The following ABI3BP variants were observed in gnomAD, a reference collection of about 807,000 sequenced individuals.
ABI3BP encodes the protein target of Nesh-SH3.
In ABI3BP, 216 loss-of-function variants were observed where a neutral mutation model predicts 268.6. The ratio of observed to expected loss-of-function variants is 0.80; its 90% CI spans 0.72 to 0.90. The LOEUF is 0.90. ABI3BP is among the 40% of genes least tolerant of loss of function. The probability of loss-of-function intolerance (pLI) is 0.00; values close to 1 mark genes in which losing one functional copy is unlikely to be tolerated. For synonymous variants in ABI3BP, 730 were observed against 730.0 expected (o/e 1.00, Z 0.00); for missense variants, 2,090 against 2,182.4 (o/e 0.96, Z 0.84).
chr3:100,891,093 G>C (rs1440423600), intron 4 of ABI3BP, among the ~76,000 whole-genome samples: 1 of 151,710 alleles, frequency 6.6e-6, no homozygotes, highest in Non-Finnish European at 1.5e-5. Flanking sequence ...ATTACCTCTG[G>C]AAAAAAGTAA....
intron 28 of ABI3BP, among the ~76,000 whole-genome samples, chr3:100,834,980 T>A (rs1008889988): frequency 1.3e-5 from 2 of 152,138 alleles, no homozygotes; most frequent in Admixed American, 6.6e-5. Flanking sequence ...ATATGTAATT[T>A]AAAAAAATAA....
At chr3:100,953,733 T>C (rs979001742) in intron 1 of ABI3BP, among the ~76,000 whole-genome samples, 1 of 152,144 alleles carries the variant, frequency 6.6e-6, no homozygotes, top group Non-Finnish European at 1.5e-5. Context: ...CAAAGGTTTA[T>C]GGAGAAGGTG....
At chr3:100,821,157 A>T in intron 38 of ABI3BP, 44 bp from the exon 39 acceptor site, 2 of 1,491,166 alleles carry the variant, frequency 1.3e-6, no homozygotes, top group Non-Finnish European at 1.8e-6. Flanking sequence ...ATTTTAAATG[A>T]ATGTAAACTC....
intron 54 of ABI3BP, among the ~76,000 whole-genome samples, chr3:100,794,519 C>T (rs1000418604): frequency 6.6e-6 from 1 of 151,886 alleles, no homozygotes; most frequent in African/African-American, 2.4e-5. Context: ...GTTAGAACTG[C>T]ATCACCTAAC....
chr3:100,757,509 A>G (rs959196270), intron 63 of ABI3BP, among the ~76,000 whole-genome samples: 3 of 152,180 alleles, frequency 2.0e-5, no homozygotes, highest in African/African-American at 7.2e-5. Flanking sequence ...TTATATCCTA[A>G]TATGTCCAGC....
At chr3:100,829,211 T>C (rs1285857733) in intron 33 of ABI3BP, among the ~76,000 whole-genome samples, 1 of 151,652 alleles carries the variant, frequency 6.6e-6, no homozygotes, top group Non-Finnish European at 1.5e-5. Flanking sequence ...ACCTAGAAAA[T>C]TTACTATCTG....
chr3:100,902,210 A>G (rs1363224991), intron 3 of ABI3BP, among the ~76,000 whole-genome samples: 1 of 152,196 alleles, frequency 6.6e-6, no homozygotes, highest in African/African-American at 2.4e-5. Context: ...TTTTGCCCTT[A>G]ACATCTGAAA....
intron 1 of ABI3BP, among the ~76,000 whole-genome samples, chr3:100,987,414 T>C (rs1263791406): frequency 6.6e-6 from 1 of 152,248 alleles, no homozygotes; most frequent in Non-Finnish European, 1.5e-5. Context: ...GTAAAAATTC[T>C]TAACAGTATC....
intron 63 of ABI3BP, among the ~76,000 whole-genome samples, chr3:100,761,485 C>T (rs1476142632): frequency 2.0e-5 from 3 of 152,104 alleles, no homozygotes; most frequent in South Asian, 4.1e-4. Flanking sequence ...TCTCTATTGA[C>T]AAGAATGTCT....
rs2095250791 is a variant in ABI3BP at position 100,750,502 on chromosome 3, T to C, written c.5354A>G (p.Lys1785Arg). 4.3e-6 allele frequency: 7 copies of C among 1,610,950 alleles called. No homozygotes were observed. The highest frequency in any genetic ancestry group is 5.1e-6 in the Non-Finnish European group (6 of 1,178,050). ...GGTAACTTTGTGCAGCATCTACCATTTTCCAGGAATTGTAGTCCCACATTC... is the reference window on the plus strand; with the variant it reads ...GGTAACTTTGTGCAGCATCTACCATCTTCCAGGAATTGTAGTCCCACATTC... ...WYECGTTIPG[K>R]W The change falls in exon 68 of 68, where the codon AAA becomes AGA. Residue 1785 changes from lysine (K) to arginine (R), a missense_variant. By Grantham distance (26) the Lys-to-Arg change is conservative. Transcript: ENST00000471714.
intron 7 of ABI3BP, 139 bp from the exon 8 acceptor site, chr3:100,875,718 T>C: frequency 1.5e-6 from 1 of 645,744 alleles, no homozygotes; most frequent in South Asian, 1.9e-5. Context: ...GGCCTGGCTA[T>C]ATAGCCAACA....
chr3:100,991,855 A>G (rs1208316879), intron 1 of ABI3BP, among the ~76,000 whole-genome samples: 2 of 152,310 alleles, frequency 1.3e-5, no homozygotes, highest in African/African-American at 4.8e-5. Flanking sequence ...CGATAATTAA[A>G]GCACTGGGAT....
intron 50 of ABI3BP, among the ~76,000 whole-genome samples, chr3:100,805,537 T>G (rs892156363): frequency 6.6e-6 from 1 of 152,120 alleles, no homozygotes; most frequent in Non-Finnish European, 1.5e-5. Context: ...AATGCCTTTA[T>G]AAAGTTTACA....
chr3:100,779,908 A>G (rs563058606), intron 58 of ABI3BP, among the ~76,000 whole-genome samples: 5 of 152,362 alleles, frequency 3.3e-5, no homozygotes, highest in African/African-American at 4.8e-5. Flanking sequence ...TTAGTATCAC[A>G]TCAGAAGTTC....
intron 26 of ABI3BP, among the ~76,000 whole-genome samples, chr3:100,837,674 T>C (rs941848428): frequency 1.3e-5 from 2 of 152,132 alleles, no homozygotes; most frequent in African/African-American, 2.4e-5. Context: ...GGAGAATCAC[T>C]TGAACCTGGG....
chr3:100,914,512 A>G (rs1443581009), intron 2 of ABI3BP: 1 of 449,824 alleles, frequency 2.2e-6, no homozygotes, highest in Non-Finnish European at 4.5e-6. Context: ...GAATGTTCAC[A>G]GGCCTGTTCT....
intron 54 of ABI3BP, among the ~76,000 whole-genome samples, chr3:100,792,980 T>C (rs1001453176): frequency 3.3e-5 from 5 of 151,920 alleles, no homozygotes; most frequent in African/African-American, 9.7e-5. Context: ...TTTTAATGAT[T>C]GTTATAAGGA....
intron 31 of ABI3BP, 46 bp downstream of exon 31, chr3:100,832,218 C>T (rs1197652800): frequency 7.3e-6 from 11 of 1,503,186 alleles, no homozygotes; most frequent in East Asian, 2.5e-5. Context: ...CAGTCCCAAC[C>T]GTGGTAGACT....
At chr3:100,918,867 C>T (rs534047938) in intron 2 of ABI3BP, among the ~76,000 whole-genome samples, 1 of 152,314 alleles carries the variant, frequency 6.6e-6, no homozygotes, top group African/African-American at 2.4e-5. Flanking sequence ...AGAGCTCAGA[C>T]TTCCTAGCTT....
Sources: gnomAD v4.1 joint callset for allele counts (sites outside exome capture counted in the v4.1 genomes callset) on GRCh38, gnomAD v4.1.1 for gene constraint, MANE v1.5 for transcripts, NCBI Gene and HGNC (gene_info 2026-07-23, HGNC 2026-07-21) for gene names.